SLC35G5: variants seen among roughly 807,000 people sequenced by gnomAD.
SLC35G5 encodes solute carrier family 35 member G5.
SLC35G5 carries 14 observed loss-of-function variants against 17.6 expected under a neutral mutation model. The observed-to-expected ratio is 0.79, with a 90% CI of 0.52 to 1.24. The LOEUF (loss-of-function observed/expected upper bound fraction) is 1.24. Among genes scored for constraint, SLC35G5 ranks in the 50% most tolerant of loss-of-function variants. The pLI, the probability that SLC35G5 is intolerant of heterozygous loss-of-function variation, is 0.00. For synonymous variants in SLC35G5, 236 were observed against 194.9 expected (o/e 1.21, Z -1.76); for missense variants, 541 against 430.3 (o/e 1.26, Z -2.28).
Position 11,331,955 on chromosome 8 carries a change from C to T in SLC35G5, c.849C>T (p.Cys283=), listed in dbSNP as rs58771247. 12,610 of 1,611,790 alleles carry T rather than the reference C, an allele frequency of 7.8e-3. 705 individuals are homozygous for T. In the African/African-American group the frequency reaches 0.15, roughly 19 times the overall value. The change falls in exon 1 of 1, where the codon TGC becomes TGT. Residue 283 remains cysteine (C), a synonymous_variant. Coordinates refer to ENST00000382435, the MANE Select transcript of SLC35G5 (RefSeq NM_054028.2). ...AVTKAHPALV[C]AVLHSEVVVA... is the part of the protein sequence containing the mutation. ...CCAAGGCCCACCCTGCCCTGGTGTG[C>T]GCTGTCCTGCATTCCGAGGTGGTTG...
rs573365071 is a variant in SLC35G5, at chr8:11,332,189, A to G, written c.*66A>G. 1.9e-5 allele frequency: 29 copies of G among 1,535,096 alleles called. No homozygotes were observed. The South Asian group carries it at 3.5e-4, about 18-fold the overall frequency. On this transcript the variant is annotated 3_prime_UTR_variant, in exon 1 of 1. Transcript: ENST00000382435. Reference sequence around the variant, plus strand: ...AAATAAAGACAAAGACTGAAGACAAAAAAAAAATAAAAGAAAAAAAATAAT... The same window carrying G: ...AAATAAAGACAAAGACTGAAGACAAGAAAAAAATAAAAGAAAAAAAATAAT...
At position 11,331,190 on chromosome 8, in the gene SLC35G5, C is replaced by T. The variant is rs1446047136; in HGVS notation, c.84C>T (p.His28=). The change falls in exon 1 of 1, where the codon CAC becomes CAT. Residue 28 remains histidine (H), a synonymous_variant. Transcript: ENST00000382435. ...PPSAPPSLRW[H]QRCQPSGATN... ...CCGCTCCACCCAGCCTCCGCTGGCA[C>T]CAGCGCTGCCAGCCCTCTGGTGCCA... 2.5e-6 allele frequency: 4 copies of T among 1,613,900 alleles called. No homozygotes were observed. The highest frequency in any genetic ancestry group is 1.1e-5 in the South Asian group (1 of 91,058).
chr8:11,332,144 G>T lies in SLC35G5; in HGVS notation c.*21G>T, dbSNP rs753815403. The T allele has an allele frequency of 2.0e-4, 323 of 1,611,442 alleles. No homozygotes were observed. The highest frequency in any genetic ancestry group is 3.0e-4 in the Admixed American group (18 of 59,968). On this transcript the variant is annotated 3_prime_UTR_variant, in exon 1 of 1. Transcript: ENST00000382435. ...AGTGAGATAGAACTTGGGAGCCCGG[G>T]GGTTGGGAGGGACAGGGATAAATAA...
Position 11,332,243 on chromosome 8 carries a change from T to C in SLC35G5, c.*120T>C. The stretch of plus-strand genomic sequence containing the variant: ...AATAAATCCTAGGAAAGAGTGAAAG[T>C]CTAACTTCCATAGCACATTATAATA... On this transcript the variant is annotated 3_prime_UTR_variant, in exon 1 of 1. Coordinates refer to ENST00000382435, the MANE Select transcript of SLC35G5 (RefSeq NM_054028.2). 170 of 1,217,814 alleles carry C rather than the reference T, an allele frequency of 1.4e-4. No individual in the cohort carries two copies. The highest frequency in any genetic ancestry group is 5.8e-4 in the Middle Eastern group (2 of 3,468). The allele number at this position is 1,217,814 out of a possible 1,614,324, so 75.4% of individuals were successfully genotyped here. A position where few individuals can be genotyped will look rare whatever the true frequency, so the allele number is the denominator to read the frequency against.
At position 11,331,699 on chromosome 8, in the gene SLC35G5, T is replaced by C; in HGVS notation, c.593T>C (p.Leu198Pro). The C allele has an allele frequency of 6.2e-7, 1 of 1,612,006 alleles. No homozygotes were observed. The highest frequency in any genetic ancestry group is 8.5e-7 in the Non-Finnish European group (1 of 1,179,822). Residue 198 changes from leucine to proline, a missense_variant, in exon 1 of 1, where the codon CTG becomes CCG. By Grantham distance (98) the Leu-to-Pro change is moderately conservative. Coordinates refer to ENST00000382435, the MANE Select transcript of SLC35G5 (RefSeq NM_054028.2). The stretch of plus-strand genomic sequence containing the variant: ...ACCCTGGGCTATGTGCAGGCTTTCC[T>C]GGGAGGCCTGGCGCTGTCCCTGGGG... ...YTTLGYVQAF[L>P]GGLALSLGLL... is the part of the protein sequence containing the mutation.
At position 11,331,153 on chromosome 8, in the gene SLC35G5, C is replaced by A. The variant is rs775162152; in HGVS notation, c.47C>A (p.Pro16Gln). ...TTCAACCTGCCTGACTCCACACACC[C>A]ATCGCCGCCCTCCGCTCCACCCAGC... ...PYFNLPDSTH[P>Q]SPPSAPPSLR... The change falls in exon 1 of 1, where the codon CCA becomes CAA. Residue 16 changes from proline (P) to glutamine (Q), a missense_variant. Physicochemically the swap from Pro to Gln is moderately conservative, Grantham distance 76. Coordinates refer to ENST00000382435, the MANE Select transcript of SLC35G5 (RefSeq NM_054028.2). 6.2e-7 allele frequency: 1 copy of A among 1,611,374 alleles called. No homozygotes were observed.
At position 11,331,529 on chromosome 8, in the gene SLC35G5, C is replaced by A; in HGVS notation, c.423C>A (p.Cys141Ter). The change falls in exon 1 of 1, where the codon TGC (cysteine) becomes TGA (stop). Residue 141 changes from cysteine (C) to a stop codon, truncating the protein, a stop_gained. Coordinates refer to ENST00000382435, the MANE Select transcript of SLC35G5 (RefSeq NM_054028.2). LOFTEE classifies it high-confidence loss of function. ...ATVRKGSSTV[C>*]SAVLTLCLES... ...TTCGCAAAGGTTCTTCCACCGTATG[C>A]TCCGCTGTCCTCACCCTCTGCCTTG... 1 of 1,613,904 alleles carries A rather than the reference C, an allele frequency of 6.2e-7. No homozygotes were observed. The highest frequency in any genetic ancestry group is 8.5e-7 in the Non-Finnish European group (1 of 1,179,860).
chr8:11,331,922 T>C lies in SLC35G5; in HGVS notation c.816T>C (p.Tyr272=). 5 of 1,612,030 alleles carry C rather than the reference T, an allele frequency of 3.1e-6. No individual in the cohort carries two copies. Among genetic ancestry groups the C allele is most frequent in the Non-Finnish European group, 3.4e-6 (4 of 1,179,864 alleles). The change falls in exon 1 of 1, where the codon TAT becomes TAC. Residue 272 remains tyrosine (Y), a synonymous_variant. Transcript: ENST00000382435. Reference sequence around the variant, plus strand: ...TGGTCTCCTTCACATGTGTGGGCTATGCGGTCACCAAGGCCCACCCTGCCC... The same window carrying C: ...TGGTCTCCTTCACATGTGTGGGCTACGCGGTCACCAAGGCCCACCCTGCCC... ...LALVSFTCVG[Y]AVTKAHPALV...
In SLC35G5 at chr8:11,331,489, G is replaced by T; in HGVS notation, c.383G>T (p.Gly128Val). 1.9e-6 allele frequency: 3 copies of T among 1,613,862 alleles called. No homozygotes were observed. The highest frequency in any genetic ancestry group is 2.2e-5 in the East Asian group (1 of 44,866). The change falls in exon 1 of 1, where the codon GGC (glycine) becomes GTC (valine). Residue 128 changes from glycine (G) to valine (V), a missense_variant. Transcript: ENST00000382435. ...AYSAVQVVPA[G>V]NAATVRKGSS... ...AGTGCAGTTCAGGTGGTGCCCGCTG[G>T]CAACGCTGCCACTGTTCGCAAAGGT... is the stretch of plus-strand genomic sequence containing the variant.
chr8:11,331,039 A>G lies in SLC35G5; in HGVS notation c.-68A>G. 1 of 1,532,966 alleles carries G rather than the reference A, an allele frequency of 6.5e-7. No individual in the cohort carries two copies. Among genetic ancestry groups the G allele is most frequent in the South Asian group, 1.3e-5 (1 of 76,390 alleles). The allele number at this position is 1,532,966 out of a possible 1,614,324, so 95.0% of individuals were successfully genotyped here. A position where few individuals can be genotyped will look rare whatever the true frequency, so the allele number is the denominator to read the frequency against. ...ACCCCACCCGCACTCCAATGAGGTCACAATGGCTGGAGCTCTGAGGGGCCC... is the reference window on the plus strand; with the variant it reads ...ACCCCACCCGCACTCCAATGAGGTCGCAATGGCTGGAGCTCTGAGGGGCCC... On this transcript the variant is annotated 5_prime_UTR_variant, in exon 1 of 1. Transcript: ENST00000382435.
Position 11,331,818 on chromosome 8 carries a change from C to T in SLC35G5, c.712C>T (p.Leu238Phe), listed in dbSNP as rs1430254347. 1.2e-6 allele frequency: 2 copies of T among 1,611,892 alleles called. No individual in the cohort carries two copies. The highest frequency in any genetic ancestry group is 1.7e-5 in the Admixed American group (1 of 59,996). Reference sequence around the variant, plus strand: ...GGGGCTGCTGGGCTGTGTGCCAGGCCTCTTTGTGCTGCAGACCCCCGTGTT... The same window carrying T: ...GGGGCTGCTGGGCTGTGTGCCAGGCTTCTTTGTGCTGCAGACCCCCGTGTT... ...LVGLLGCVPG[L>F]FVLQTPVLPS... Residue 238 changes from leucine (L) to phenylalanine (F), a missense_variant, in exon 1 of 1, where the codon CTC (leucine) becomes TTC (phenylalanine). Coordinates refer to ENST00000382435, the MANE Select transcript of SLC35G5 (RefSeq NM_054028.2).
chr8:11,331,348 T>A lies in SLC35G5; in HGVS notation c.242T>A (p.Leu81His), dbSNP rs1332328652. The A allele has an allele frequency of 1.2e-6, 2 of 1,613,784 alleles. No individual in the cohort carries two copies. The highest frequency in any genetic ancestry group is 1.7e-6 in the Non-Finnish European group (2 of 1,179,854). ...ELLICRCLFH[L>H]PIALLLKLRG... The stretch of plus-strand genomic sequence containing the variant: ...CTCATCTGTCGATGCCTCTTCCACC[T>A]CCCTATTGCCCTGCTACTTAAACTG... Residue 81 changes from leucine to histidine, a missense_variant, in exon 1 of 1, where the codon CTC becomes CAC. Physicochemically the swap from Leu to His is moderately conservative, Grantham distance 99. Transcript: ENST00000382435.
chr8:11,332,020 T>G lies in SLC35G5; in HGVS notation c.914T>G (p.Val305Gly), dbSNP rs62488716. The G allele has an allele frequency of 1.3e-6, 2 of 1,533,230 alleles. No individual in the cohort carries two copies. Among genetic ancestry groups the G allele is most frequent in the Admixed American group, 3.5e-5 (2 of 56,494 alleles). 95.0% of individuals were successfully genotyped at this position (1,533,230 alleles called of 1,614,324 possible). A position where few individuals can be genotyped will look rare whatever the true frequency, so the allele number is the denominator to read the frequency against. Residue 305 changes from valine to glycine, a missense_variant, in exon 1 of 1, where the codon GTG becomes GGG. Val to Gly is a moderately radical substitution (Grantham distance 109, BLOSUM62 -3). Coordinates refer to ENST00000382435, the MANE Select transcript of SLC35G5 (RefSeq NM_054028.2). ...CAGTATTATATGCTCCATGAGACTGTGGCACTTTCTGACATCATGGGGGCA... is the reference window on the plus strand; with the variant it reads ...CAGTATTATATGCTCCATGAGACTGGGGCACTTTCTGACATCATGGGGGCA... Reference protein sequence around the residue: ...ILQYYMLHETVALSDIMGAGV... With the variant: ...ILQYYMLHETGALSDIMGAGV...
In SLC35G5 at chr8:11,331,279, C is replaced by T. The variant is rs767684846; in HGVS notation, c.173C>T (p.Ser58Phe). 1.1e-5 allele frequency: 18 copies of T among 1,613,902 alleles called. No individual in the cohort carries two copies. Among genetic ancestry groups the T allele is most frequent in the Admixed American group, 5.0e-5 (3 of 60,008 alleles). ...GLPAGFVGPL[S>F]RMAYQGSNLP... ...CCTGCTGGCTTCGTGGGCCCCCTTT[C>T]TCGTATGGCTTACCAGGGTTCCAAC... is the stretch of plus-strand genomic sequence containing the variant. The change falls in exon 1 of 1, where the codon TCT becomes TTT. Residue 58 changes from serine to phenylalanine, a missense_variant. Ser to Phe is a radical substitution (Grantham distance 155, BLOSUM62 -2). Transcript: ENST00000382435.
Position 11,331,337 on chromosome 8 carries a change from C to T in SLC35G5, c.231C>T (p.Cys77=), listed in dbSNP as rs148317481. ...CGCTGGAGCTGCTCATCTGTCGATG[C>T]CTCTTCCACCTCCCTATTGCCCTGC... is the stretch of plus-strand genomic sequence containing the variant. ...LPSLELLICR[C]LFHLPIALLL... The change falls in exon 1 of 1, where the codon TGC becomes TGT. Residue 77 remains cysteine, a synonymous_variant. Coordinates refer to ENST00000382435, the MANE Select transcript of SLC35G5 (RefSeq NM_054028.2). The T allele has an allele frequency of 1.4e-5, 22 of 1,613,854 alleles. No homozygotes were observed. The highest frequency in any genetic ancestry group is 1.7e-5 in the Non-Finnish European group (20 of 1,179,866).
In SLC35G5 at chr8:11,332,004, A is replaced by T; in HGVS notation, c.898A>T (p.Met300Leu). 3 of 1,611,824 alleles carry T rather than the reference A, an allele frequency of 1.9e-6. No individual in the cohort carries two copies. Among genetic ancestry groups the T allele is most frequent in the Non-Finnish European group, 2.5e-6 (3 of 1,179,820 alleles). ...VVVALILQYYMLHETVALSDI... is the reference protein window; with the variant it reads ...VVVALILQYYLLHETVALSDI... The stretch of plus-strand genomic sequence containing the variant: ...TGTGGCCCTTATACTGCAGTATTAT[A>T]TGCTCCATGAGACTGTGGCACTTTC... The change falls in exon 1 of 1, where the codon ATG becomes TTG. Residue 300 changes from methionine (M) to leucine (L), a missense_variant. Met to Leu is a conservative substitution (Grantham distance 15). Coordinates refer to ENST00000382435, the MANE Select transcript of SLC35G5 (RefSeq NM_054028.2).
Position 11,331,544 on chromosome 8 carries a change from C to T in SLC35G5, c.438C>T (p.Thr146=). The T allele has an allele frequency of 6.2e-7, 1 of 1,613,792 alleles. No individual in the cohort carries two copies. Among genetic ancestry groups the T allele is most frequent in the Non-Finnish European group, 8.5e-7 (1 of 1,179,844 alleles). ...GSSTVCSAVL[T]LCLESQGLGG... ...CCACCGTATGCTCCGCTGTCCTCACCCTCTGCCTTGAGAGCCAGGGTCTCG... is the reference window on the plus strand; with the variant it reads ...CCACCGTATGCTCCGCTGTCCTCACTCTCTGCCTTGAGAGCCAGGGTCTCG... The change falls in exon 1 of 1, where the codon ACC becomes ACT. Residue 146 remains threonine, a synonymous_variant. Coordinates refer to ENST00000382435, the MANE Select transcript of SLC35G5 (RefSeq NM_054028.2).
chr8:11,332,151 G>C lies in SLC35G5; in HGVS notation c.*28G>C, dbSNP rs1403436280. 1.9e-6 allele frequency: 3 copies of C among 1,610,882 alleles called. No individual in the cohort carries two copies. In the South Asian group the frequency reaches 3.3e-5, roughly 18 times the overall value. ...TAGAACTTGGGAGCCCGGGGGTTGG[G>C]AGGGACAGGGATAAATAAAGACAAA... is the stretch of plus-strand genomic sequence containing the variant. On this transcript the variant is annotated 3_prime_UTR_variant, in exon 1 of 1. Coordinates refer to ENST00000382435, the MANE Select transcript of SLC35G5 (RefSeq NM_054028.2).
Position 11,331,981 on chromosome 8 carries a change from T to G in SLC35G5, c.875T>G (p.Val292Gly). The change falls in exon 1 of 1, where the codon GTG becomes GGG. Residue 292 changes from valine to glycine, a missense_variant. By Grantham distance (109) the Val-to-Gly change is moderately radical (BLOSUM62 -3). Transcript: ENST00000382435. ...VCAVLHSEVVVALILQYYMLH... is the reference protein window; with the variant it reads ...VCAVLHSEVVGALILQYYMLH... ...GCTGTCCTGCATTCCGAGGTGGTTGTGGCCCTTATACTGCAGTATTATATG... is the reference window on the plus strand; with the variant it reads ...GCTGTCCTGCATTCCGAGGTGGTTGGGGCCCTTATACTGCAGTATTATATG... 1 of 1,611,948 alleles carries G rather than the reference T, an allele frequency of 6.2e-7. No homozygotes were observed. The highest frequency in any genetic ancestry group is 8.5e-7 in the Non-Finnish European group (1 of 1,179,834).
Sources: allele counts gnomAD v4.1 joint callset, GRCh38; gene constraint gnomAD v4.1.1; transcripts MANE v1.5; gene names NCBI Gene and HGNC (gene_info 2026-07-23, HGNC 2026-07-21).